Variants in NKD2 observed in about 807,000 individuals in gnomAD.
NKD2 encodes the protein protein naked cuticle homolog 2.
A neutral mutation model predicts 34.8 loss-of-function variants in NKD2; 43 were observed. That is an observed-to-expected ratio of 1.24 (90% CI 0.97 to 1.60). The LOEUF is 1.60. Among genes scored for constraint, NKD2 ranks in the 40% most tolerant of loss-of-function variants. The probability of loss-of-function intolerance (pLI) is 0.00; values close to 1 mark genes in which losing one functional copy is unlikely to be tolerated. For missense variants in NKD2, 675 were observed against 627.1 expected (o/e 1.08, Z -0.82); for synonymous variants, 278 against 265.1 (o/e 1.05, Z -0.47).
intron 3 of NKD2, among the ~76,000 whole-genome samples, chr5:1,019,749 G>C (rs1204059889): frequency 6.6e-6 from 1 of 151,872 alleles, no homozygotes; most frequent in East Asian, 1.9e-4. Flanking sequence ...TTCCAAATTA[G>C]AAAAAAGAAA....
chr5:1,030,093 G>T (rs1381384729), intron 3 of NKD2, among the ~76,000 whole-genome samples: 2 of 151,988 alleles, frequency 1.3e-5, no homozygotes, highest in Non-Finnish European at 2.9e-5. Flanking sequence ...AGAGGAGAAG[G>T]TCTGGGCTGG....
intron 3 of NKD2, among the ~76,000 whole-genome samples, chr5:1,013,512 C>T (rs1348630742): frequency 6.6e-6 from 1 of 152,342 alleles, no homozygotes; most frequent in Middle Eastern, 3.4e-3. Context: ...TGGGAGGCGT[C>T]GAGGTCACCT....
chr5:1,038,042 G>T lies in NKD2; in HGVS notation c.1025G>T (p.Gly342Val). 6.2e-7 allele frequency: 1 copy of T among 1,609,408 alleles called. No homozygotes were observed. Residue 342 changes from glycine (G) to valine (V), a missense_variant, in exon 10 of 10, where the codon GGG becomes GTG. By Grantham distance (109) the Gly-to-Val change is moderately radical. Transcript: ENST00000296849. This position sits in a 1 kb window ranked among gnomAD's most constrained non-coding sequence, Gnocchi z 4.5. Reference sequence around the variant, plus strand: ...CCCAAGGGCTCCGGGAAGCCGCCTGGGGTGCCAGCCAGCAGCAAGTCCGGG... The same window carrying T: ...CCCAAGGGCTCCGGGAAGCCGCCTGTGGTGCCAGCCAGCAGCAAGTCCGGG... ...KSPKGSGKPP[G>V]VPASSKSGKA...
chr5:1,013,073 C>T lies in NKD2; in HGVS notation c.141+3513C>T, dbSNP rs539779751. On this transcript the variant is annotated intron_variant, in intron 3 of 9. Coordinates refer to ENST00000296849, the MANE Select transcript of NKD2 (RefSeq NM_033120.4). ...ACTCTGCTTGGTGCTCGGCCACGTGCCACACAGAAGGAGAGGTTGTGGGTG... is the reference window on the plus strand; with the variant it reads ...ACTCTGCTTGGTGCTCGGCCACGTGTCACACAGAAGGAGAGGTTGTGGGTG... Among the ~76,000 whole-genome samples, 73 of 152,322 alleles carry T rather than the reference C, an allele frequency of 4.8e-4. 1 individual carries two copies. The highest frequency in any genetic ancestry group is 6.8e-3 in the Middle Eastern group (2 of 294).
In NKD2 at chr5:1,009,865, AG is replaced by A. The variant is rs1755682349; in HGVS notation, c.141+309del. Among the ~76,000 whole-genome samples the A allele has an allele frequency of 6.6e-6, 1 of 150,536 alleles. No homozygotes were observed. Among genetic ancestry groups the A allele is most frequent in the African/African-American group, 2.5e-5 (1 of 40,640 alleles). On this transcript the variant is annotated intron_variant, in intron 3 of 9. Coordinates refer to ENST00000296849, the MANE Select transcript of NKD2 (RefSeq NM_033120.4). This position sits in a 1 kb window ranked among gnomAD's most constrained non-coding sequence, Gnocchi z 6.9. ...GGGCTGGAGGAGCTGGGCGAGTGGG[AG>A]GGGCTGGACCTAGACGTCCCGGGCT...
intron 3 of NKD2, among the ~76,000 whole-genome samples, chr5:1,027,022 CCACAGGGGTGGT>C (rs1017045976): frequency 6.6e-6 from 1 of 152,272 alleles, no homozygotes; most frequent in Non-Finnish European, 1.5e-5. Flanking sequence ...AACAGGGTGG[CCACAGGGGTGGT>C]GACAATGACC....
intron 3 of NKD2, among the ~76,000 whole-genome samples, chr5:1,020,798 C>CTGGGT: frequency 6.6e-6 from 1 of 151,060 alleles, no homozygotes; most frequent in East Asian, 2.0e-4. Flanking sequence ...GTGGGTTGGG[C>CTGGGT]TGGGTGCCCC....
intron 3 of NKD2, among the ~76,000 whole-genome samples, chr5:1,022,213 T>A (rs942546767): frequency 3.3e-5 from 5 of 150,150 alleles, no homozygotes; most frequent in Admixed American, 2.0e-4. Flanking sequence ...TCCCACCCGC[T>A]GTGGGTGTCC....
intron 3 of NKD2, among the ~76,000 whole-genome samples, chr5:1,022,931 G>T (rs111637222): frequency 1.1e-3 from 8 of 7,554 alleles, no homozygotes; most frequent in Admixed American, 4.5e-3. Context: ...GTCCCAGCCC[G>T]TTGTCCCTGC....
chr5:1,035,960 A>AG (rs1323189005), intron 8 of NKD2: 5 of 438,882 alleles, frequency 1.1e-5, no homozygotes, highest in Non-Finnish European at 1.9e-5. Flanking sequence ...CAGTGGCTAC[A>AG]GTGGTCCCAG....
chr5:1,035,603 G>T (rs1302723279), intron 8 of NKD2, 130 bp downstream of exon 8: 2 of 688,494 alleles, frequency 2.9e-6, no homozygotes, highest in Non-Finnish European at 5.0e-6. Flanking sequence ...GGGGCACCTG[G>T]TCCAGCAGCT....
At position 1,009,299 on chromosome 5, in the gene NKD2, C is replaced by G; in HGVS notation, c.61+85C>G. On this transcript the variant is annotated intron_variant, in intron 2 of 9. Coordinates refer to ENST00000296849, the MANE Select transcript of NKD2 (RefSeq NM_033120.4). This position sits in a 1 kb window ranked among gnomAD's most constrained non-coding sequence, Gnocchi z 6.9. ...GCTAGGAGCCCGCGCGCGTCCTGCC[C>G]TGGAGCCAGCAGTGGGGGGACGGGG... 2.0e-6 allele frequency: 1 copy of G among 505,802 alleles called. No homozygotes were observed. The highest frequency in any genetic ancestry group is 3.6e-5 in the East Asian group (1 of 27,722). The allele number at this position is 505,802 out of a possible 1,614,324, so 31.3% of individuals were successfully genotyped here. A position where few individuals can be genotyped will look rare whatever the true frequency, so the allele number is the denominator to read the frequency against.
chr5:1,021,365 C>T (rs1257357223), intron 3 of NKD2, among the ~76,000 whole-genome samples: 11 of 134,392 alleles, frequency 8.2e-5, no homozygotes, highest in African/African-American at 2.9e-4. Flanking sequence ...GCCCCCCGCC[C>T]CTCCACCCAC....
rs1734101906 is a variant in NKD2, at chr5:1,038,194, C to T, written c.1177C>T (p.His393Tyr). Residue 393 changes from histidine to tyrosine, a missense_variant, in exon 10 of 10, where the codon CAC becomes TAC. By Grantham distance (83) the His-to-Tyr change is moderately conservative (BLOSUM62 2). Transcript: ENST00000296849. The surrounding 1 kb of genome is among the most constrained non-coding windows in gnomAD (Gnocchi z 4.5). ...GTACCGCCAAAAGGGCAGGGAGGGCCACTCGCCACTCAAGGCCCCACACGC... is the reference window on the plus strand; with the variant it reads ...GTACCGCCAAAAGGGCAGGGAGGGCTACTCGCCACTCAAGGCCCCACACGC... The part of the protein sequence containing the change: ...KRYRQKGREG[H>Y]SPLKAPHAQP... The T allele has an allele frequency of 1.3e-6, 2 of 1,589,310 alleles. No homozygotes were observed. Among genetic ancestry groups the T allele is most frequent in the Non-Finnish European group, 1.7e-6 (2 of 1,169,950 alleles).
rs540857364 is a variant in NKD2, at chr5:1,028,967, T to A, written c.142-3185T>A. ...TGTGCGGACTTGGCCTCTCAGAAGG[T>A]CTTCCCAGTGGGGAGGGGCTGCACA... is the stretch of plus-strand genomic sequence containing the variant. On this transcript the variant is annotated intron_variant, in intron 3 of 9. Coordinates refer to ENST00000296849, the MANE Select transcript of NKD2 (RefSeq NM_033120.4). 2.2e-3 allele frequency among the ~76,000 whole-genome samples: 342 copies of A among 152,260 alleles called. 1 individual carries two copies. The highest frequency in any genetic ancestry group is 7.0e-3 in the African/African-American group (291 of 41,552).
Position 1,032,167 on chromosome 5 carries a change from G to T in NKD2, c.157G>T (p.Asp53Tyr). 1 of 1,610,948 alleles carries T rather than the reference G, an allele frequency of 6.2e-7. No individual in the cohort carries two copies. Among genetic ancestry groups the T allele is most frequent in the Non-Finnish European group, 8.5e-7 (1 of 1,179,100 alleles). Reference sequence around the variant, plus strand: ...CTTCCTGCAGGAGCTGCCCAATGGGGACCCCAAGGAGGGGCCTTTCCGGGA... The same window carrying T: ...CTTCCTGCAGGAGCTGCCCAATGGGTACCCCAAGGAGGGGCCTTTCCGGGA... ...ARDKQELPNG[D>Y]PKEGPFREDQ... is the part of the protein sequence containing the mutation. Residue 53 changes from aspartate (D) to tyrosine (Y), a missense_variant, in exon 4 of 10, where the codon GAC becomes TAC. Transcript: ENST00000296849.
At chr5:1,015,975 A>G (rs1188828435) in intron 3 of NKD2, among the ~76,000 whole-genome samples, 1 of 152,156 alleles carries the variant, frequency 6.6e-6, no homozygotes, top group Non-Finnish European at 1.5e-5. Context: ...GTCACAGATC[A>G]TGACCGTCAG....
chr5:1,030,829 C>T (rs79415698), intron 3 of NKD2, among the ~76,000 whole-genome samples: 2,282 of 152,340 alleles, frequency 0.015, 21 homozygotes, highest in Non-Finnish European at 0.024. Flanking sequence ...GAGCTGCCCA[C>T]CCTGCCTTGG....
intron 3 of NKD2, among the ~76,000 whole-genome samples, chr5:1,011,819 T>G (rs970850972): frequency 6.6e-6 from 1 of 152,264 alleles, no homozygotes; most frequent in Non-Finnish European, 1.5e-5. Context: ...CAGACAGGTG[T>G]GTCTCTGCAC....
Sources: gnomAD v4.1 joint callset for allele counts (sites outside exome capture counted in the v4.1 genomes callset) on GRCh38, gnomAD v4.1.1 for gene constraint, Gnocchi (gnomAD v3.1) non-coding constraint, MANE v1.5 for transcripts, NCBI Gene and HGNC (gene_info 2026-07-23, HGNC 2026-07-21) for gene names.